FGF13: variants seen among roughly 807,000 people sequenced by gnomAD.
The protein encoded by FGF13 is fibroblast growth factor homologous factor 2.
A neutral mutation model predicts 19.5 loss-of-function variants in FGF13; 2 were observed. That is an observed-to-expected ratio of 0.10 (90% confidence interval 0.04 to 0.32). The LOEUF (loss-of-function observed/expected upper bound fraction) is 0.32, where lower values mean the gene tolerates loss of function less well. Ranked by LOEUF, FGF13 falls within the 10% of genes least tolerant of loss-of-function variation. The pLI is 1.00. For missense variants in FGF13, 113 were observed against 192.7 expected (o/e 0.59, Z 2.45); for synonymous variants, 72 against 76.9 (o/e 0.94, Z 0.33).
chrX:138,895,893 G>C (rs1030179147), intron 1 of FGF13, among the ~76,000 whole-genome samples: 6 of 111,815 alleles, frequency 5.4e-5, no homozygotes, highest in African/African-American at 2.0e-4. Flanking sequence ...AGTGAAATAA[G>C]CCAGGCACAC....
At chrX:139,055,549 T>A (rs1196820040) in intron 1 of FGF13, among the ~76,000 whole-genome samples, 1 of 112,585 alleles carries the variant, frequency 8.9e-6, no homozygotes, top group Non-Finnish European at 1.9e-5. Flanking sequence ...CAAATTGAGA[T>A]GTCTATGGTG....
chrX:138,914,656 C>G (rs2091608968), intron 1 of FGF13, among the ~76,000 whole-genome samples: 1 of 62,540 alleles, frequency 1.6e-5, no homozygotes, highest in African/African-American at 8.1e-5. Context: ...TTTTTTTTTG[C>G]CTTACAAACA....
At position 139,019,837 on chromosome X, in the gene FGF13, T is replaced by C. The variant is rs1398240167; in HGVS notation, c.-112-155187A>G. ...GCTTAATAAACAGTAACTATAATGC[T>C]GGACTTCTCTGGAAATTTTTTCCTT... On this transcript the variant is annotated intron_variant, in intron 1 of 2. Coordinates refer to the FGF13 transcript ENST00000421460. Among the ~76,000 whole-genome samples, 7 of 110,692 alleles carry C rather than the reference T, an allele frequency of 6.3e-5. No homozygotes were observed. The Admixed American group carries it at 6.7e-4, about 11-fold the overall frequency.
chrX:138,930,922 A>G (rs1404716548), intron 1 of FGF13, among the ~76,000 whole-genome samples: 1 of 112,719 alleles, frequency 8.9e-6, no homozygotes, highest in Non-Finnish European at 1.9e-5. Flanking sequence ...CACGTATCCT[A>G]CATTTACTAA....
chrX:139,095,913 A>G (rs1021258891), intron 1 of FGF13, among the ~76,000 whole-genome samples: 4 of 111,829 alleles, frequency 3.6e-5, no homozygotes, highest in African/African-American at 1.3e-4. Flanking sequence ...TTCCAAGACC[A>G]GTTAGCATTT....
chrX:139,087,560 A>G (rs2083412536), intron 1 of FGF13, among the ~76,000 whole-genome samples: 1 of 111,936 alleles, frequency 8.9e-6, no homozygotes, highest in African/African-American at 3.3e-5. Flanking sequence ...GATAAACTGT[A>G]CATACGCCAT....
intron 1 of FGF13, among the ~76,000 whole-genome samples, chrX:139,034,666 C>T (rs1018386343): frequency 4.5e-5 from 5 of 111,274 alleles, no homozygotes; most frequent in African/African-American, 1.6e-4. Context: ...TTCCAAGCAT[C>T]TTGAAGACTG....
chrX:138,760,268 T>C (rs148085375), intron 3 of FGF13, among the ~76,000 whole-genome samples: 1,675 of 112,174 alleles, frequency 0.015, 19 homozygotes, highest in African/African-American at 0.051. Flanking sequence ...AAGGCACCAC[T>C]GTGTGGTTTG....
At chrX:138,730,137 A>T (rs1451438233) in intron 1 of FGF13, among the ~76,000 whole-genome samples, 1 of 111,086 alleles carries the variant, frequency 9.0e-6, no homozygotes, top group Non-Finnish European at 1.9e-5. Context: ...TTTGTAAAAT[A>T]TTAAAGATCT....
intron 1 of FGF13, among the ~76,000 whole-genome samples, chrX:138,875,174 G>GGTGAATCT (rs2091380915): frequency 9.4e-6 from 1 of 105,903 alleles, no homozygotes; most frequent in Non-Finnish European, 1.9e-5. Flanking sequence ...GAAGGTTGCA[G>GGTGAATCT]TGAGCCAAGA....
In FGF13 at chrX:138,649,375, C is replaced by G. The variant is rs761394162; in HGVS notation, c.403-13720G>C. ...AGAACACAGTTCTCAGAATCAAACT[C>G]CCTCACTAAGCTTCAGGCAGAACTG... is the stretch of plus-strand genomic sequence containing the variant. On this transcript the variant is annotated intron_variant, in intron 3 of 4. Transcript: ENST00000315930. Among the ~76,000 whole-genome samples the G allele has an allele frequency of 9.4e-4, 105 of 112,006 alleles. 1 individual carries two copies. Among genetic ancestry groups the G allele is most frequent in the African/African-American group, 3.4e-3 (105 of 30,847 alleles).
chrX:138,736,000 A>G (rs778311404), intron 1 of FGF13, among the ~76,000 whole-genome samples: 73 of 112,491 alleles, frequency 6.5e-4, no homozygotes, highest in African/African-American at 2.1e-3. Flanking sequence ...ATAAAACGAG[A>G]GACACTTATA....
At position 139,192,003 on chromosome X, in the gene FGF13, C is replaced by G. The variant is rs755295229; in HGVS notation, c.-113+11413G>C. Among the ~76,000 whole-genome samples the G allele has an allele frequency of 3.6e-5, 4 of 112,066 alleles. No individual in the cohort carries two copies. The South Asian group carries it at 1.1e-3, about 32-fold the overall frequency. ...CTGCGAGAGCCGAGGCTTTGAAATT[C>G]TCCTGCTTCCCTACTTTCTCCTAAA... On this transcript the variant is annotated intron_variant, in intron 1 of 2. Coordinates refer to the FGF13 transcript ENST00000421460.
chrX:138,701,744 T>C (rs2089948263), intron 3 of FGF13, among the ~76,000 whole-genome samples: 2 of 112,382 alleles, frequency 1.8e-5, no homozygotes, highest in Admixed American at 1.9e-4. Context: ...GGTTATCATA[T>C]GGTTTCCACC....
chrX:138,660,320 C>T (rs1179618851), intron 3 of FGF13, among the ~76,000 whole-genome samples: 2 of 111,552 alleles, frequency 1.8e-5, no homozygotes, highest in African/African-American at 6.5e-5. Flanking sequence ...CTGTGGGTGG[C>T]AAACAAGTCA....
intron 3 of FGF13, among the ~76,000 whole-genome samples, chrX:138,851,550 T>C (rs2091222202): frequency 9.0e-6 from 1 of 111,569 alleles, no homozygotes; most frequent in South Asian, 3.8e-4. Context: ...ATAAACTAGT[T>C]ATGGAAGGAA....
At chrX:139,007,679 A>G (rs2092108934) in intron 1 of FGF13, among the ~76,000 whole-genome samples, 1 of 112,515 alleles carries the variant, frequency 8.9e-6, no homozygotes, top group Admixed American at 9.4e-5. Context: ...GGTGGCAGAT[A>G]GGAAACAGGA....
intron 1 of FGF13, among the ~76,000 whole-genome samples, chrX:138,904,061 C>A (rs769092362): frequency 3.6e-5 from 4 of 111,883 alleles, no homozygotes; most frequent in African/African-American, 1.3e-4. Context: ...TTCCATTTGG[C>A]AGATATGATT....
chrX:139,039,162 T>C (rs1282524679), intron 1 of FGF13, among the ~76,000 whole-genome samples: 1 of 112,259 alleles, frequency 8.9e-6, no homozygotes, highest in Non-Finnish European at 1.9e-5. Context: ...AAGTGCTTTA[T>C]AGACATTCTT....
Sources: gnomAD v4.1 joint callset for allele counts (sites outside exome capture counted in the v4.1 genomes callset) on GRCh38, gnomAD v4.1.1 for gene constraint, MANE v1.5 for transcripts, NCBI Gene and HGNC (gene_info 2026-07-23, HGNC 2026-07-21) for gene names.